Variants in PRR11 observed in about 807,000 individuals in gnomAD.
PRR11 encodes proline-rich protein 11.
Under a neutral mutation model 45.6 loss-of-function variants are expected in PRR11, and 30 were observed. That is an observed-to-expected ratio of 0.66 (90% confidence interval 0.49 to 0.89). The LOEUF (loss-of-function observed/expected upper bound fraction) is 0.89. Among genes scored for constraint, PRR11 ranks in the 40% least tolerant of loss-of-function variants. The pLI, the probability that PRR11 is intolerant of heterozygous loss-of-function variation, is 0.00. For synonymous variants in PRR11, 128 were observed against 153.5 expected, an observed-to-expected ratio of 0.83 and a Z score of 1.23; for missense variants, 373 against 424.8, an observed-to-expected ratio of 0.88 and a Z score of 1.07.
Position 59,188,801 on chromosome 17 carries a change from A to G in PRR11, c.402+3239A>G, listed in dbSNP as rs1341789048. Reference sequence around the variant, plus strand: ...TAAAAATACAAAAAATTAGCCTGGCATGGTGACATGCTTCTGTAATCCCAG... The same window carrying G: ...TAAAAATACAAAAAATTAGCCTGGCGTGGTGACATGCTTCTGTAATCCCAG... On this transcript the variant is annotated intron_variant, in intron 4 of 9. Transcript: ENST00000262293. Among the ~76,000 whole-genome samples the G allele has an allele frequency of 3.3e-5, 5 of 152,018 alleles. No homozygotes were observed. The East Asian group carries it at 7.8e-4, about 24-fold the overall frequency.
At chr17:59,184,645 C>A (rs1011650980) in intron 2 of PRR11, among the ~76,000 whole-genome samples, 1 of 152,052 alleles carries the variant, frequency 6.6e-6, no homozygotes, top group African/African-American at 2.4e-5. Flanking sequence ...CCATTCATGA[C>A]GCTTTAAACC....
At chr17:59,177,679 A>G (rs1230866920) in intron 2 of PRR11, among the ~76,000 whole-genome samples, 1 of 152,168 alleles carries the variant, frequency 6.6e-6, no homozygotes, top group Non-Finnish European at 1.5e-5. Context: ...TCACTCAGCA[A>G]GAGACCAGCA....
At chr17:59,167,996 C>G (rs2046687935) in intron 1 of PRR11, among the ~76,000 whole-genome samples, 1 of 151,972 alleles carries the variant, frequency 6.6e-6, no homozygotes, top group Admixed American at 6.6e-5. Flanking sequence ...TTACCCAGCT[C>G]CTATTCAAGA....
chr17:59,177,341 G>T, intron 2 of PRR11: 1 of 538,692 alleles, frequency 1.9e-6, no homozygotes. Context: ...GGTCTAGGGA[G>T]GGTTTGCCCA....
chr17:59,163,327 C>T (rs1442564024), intron 1 of PRR11, among the ~76,000 whole-genome samples: 1 of 152,122 alleles, frequency 6.6e-6, no homozygotes, highest in Non-Finnish European at 1.5e-5. Context: ...AGGTGATCCT[C>T]CTGCCTCCCG....
At chr17:59,174,758 G>A (rs539082234) in intron 2 of PRR11, among the ~76,000 whole-genome samples, 1 of 152,244 alleles carries the variant, frequency 6.6e-6, no homozygotes, top group South Asian at 2.1e-4. Context: ...ATGACCTCAG[G>A]CCTCACAGTC....
intron 1 of PRR11, among the ~76,000 whole-genome samples, chr17:59,167,477 G>A (rs917471568): frequency 6.6e-6 from 1 of 152,148 alleles, no homozygotes; most frequent in South Asian, 2.1e-4. Context: ...CTTGTACCTT[G>A]TGCAAGCAAA....
intron 5 of PRR11, 50 bp downstream of exon 5, chr17:59,193,784 G>A: frequency 6.3e-7 from 1 of 1,580,762 alleles, no homozygotes; most frequent in Non-Finnish European, 8.7e-7. Flanking sequence ...TGGTGAGTGT[G>A]TAATATAGGA....
At chr17:59,161,350 T>A (rs2046651453) in intron 1 of PRR11, among the ~76,000 whole-genome samples, 1 of 141,218 alleles carries the variant, frequency 7.1e-6, no homozygotes, top group Non-Finnish European at 1.5e-5. Context: ...GAGGTTGCAG[T>A]GAACCGAGAT....
rs764638554 is a variant in PRR11, at chr17:59,197,530, CTT to C, written c.858-12_858-11del. ...CCTCCCAAAGTTCTAATTTTTATAT[CTT>C]TGTTTTATCAGCACTCCTGGAAAAA... is the stretch of plus-strand genomic sequence containing the variant. On this transcript the variant is annotated splice_polypyrimidine_tract_variant and intron_variant, in intron 7 of 9. Transcript: ENST00000262293. 4 of 1,612,114 alleles carry C rather than the reference CTT, an allele frequency of 2.5e-6. No homozygotes were observed. The African/African-American group carries it at 5.3e-5, about 22-fold the overall frequency.
At chr17:59,176,152 A>C (rs1463564746) in intron 2 of PRR11, among the ~76,000 whole-genome samples, 2 of 152,178 alleles carry the variant, frequency 1.3e-5, no homozygotes, top group African/African-American at 4.8e-5. Flanking sequence ...TGTGTGCGGG[A>C]CACCCAGACA....
intron 7 of PRR11, 22 bp from the exon 8 acceptor site, chr17:59,197,522 T>A (rs369253048): frequency 1.2e-4 from 187 of 1,608,902 alleles, no homozygotes; most frequent in Non-Finnish European, 1.5e-4. Flanking sequence ...AAGTTCTAAT[T>A]TTTATATCTT....
At chr17:59,185,629 T>C in intron 4 of PRR11, 67 bp downstream of exon 4, 1 of 1,347,662 alleles carries the variant, frequency 7.4e-7, no homozygotes, top group South Asian at 1.3e-5. Flanking sequence ...GAAAAGACTA[T>C]TGCAATAGGG....
rs1184470950 is a variant in PRR11 at position 59,203,726 on chromosome 17, C to G, written c.*2095C>G. ...ATACAAAATTAGCCAGGTGTGGTGT[C>G]ACGCACCTGTAGTCCCAGTTACTTG... On this transcript the variant is annotated 3_prime_UTR_variant, in exon 10 of 10. Transcript: ENST00000262293. The G allele has an allele frequency of 1.3e-5, 2 of 150,996 alleles. No individual in the cohort carries two copies. The highest frequency in any genetic ancestry group is 2.9e-5 in the Non-Finnish European group (2 of 67,860). The allele number at this position is 150,996 out of a possible 1,614,324, so 9.4% of individuals were successfully genotyped here. A position where few individuals can be genotyped will look rare whatever the true frequency, so the allele number is the denominator to read the frequency against.
chr17:59,181,074 A>C (rs1269364307), intron 2 of PRR11, among the ~76,000 whole-genome samples: 1 of 150,262 alleles, frequency 6.7e-6, no homozygotes, highest in African/African-American at 2.5e-5. Flanking sequence ...ACTGCAAGCA[A>C]CACCTCCGGG....
intron 9 of PRR11, among the ~76,000 whole-genome samples, chr17:59,198,347 G>A (rs768121464): frequency 4.0e-5 from 6 of 151,714 alleles, no homozygotes; most frequent in Admixed American, 1.3e-4. Context: ...TGAGACCAGC[G>A]TGGCCAACAT....
chr17:59,179,520 C>G (rs1599699375), intron 2 of PRR11: 6 of 1,308,874 alleles, frequency 4.6e-6, no homozygotes, highest in Non-Finnish European at 6.2e-6. Context: ...GTGATCACTT[C>G]TGAGTCCTCC....
In PRR11 at chr17:59,197,731, T is replaced by G. The variant is rs376244843; in HGVS notation, c.956T>G (p.Met319Arg). ...ACCCCTCTTACCAATAAGGAAAATA[T>G]GGAAACAGGAACAGGACTGACTCCA... ...GGTPLTNKEN[M>R]ETGTGLTPVM... Residue 319 changes from methionine (M) to arginine (R), a missense_variant, in exon 9 of 10, where the codon ATG becomes AGG. Met to Arg is a moderately conservative substitution (Grantham distance 91, BLOSUM62 -1). Coordinates refer to ENST00000262293, the MANE Select transcript of PRR11 (RefSeq NM_018304.4). The G allele has an allele frequency of 2.5e-5, 41 of 1,614,034 alleles. No individual in the cohort carries two copies. The African/African-American group carries it at 4.7e-4, about 18-fold the overall frequency.
chr17:59,198,492 G>T (rs2046877239), intron 9 of PRR11, among the ~76,000 whole-genome samples: 1 of 152,144 alleles, frequency 6.6e-6, no homozygotes, highest in Admixed American at 6.6e-5. Context: ...TGACCAACAT[G>T]GTGAAACCCC....
Sources: gnomAD v4.1 joint callset for allele counts (sites outside exome capture counted in the v4.1 genomes callset) on GRCh38, gnomAD v4.1.1 for gene constraint, MANE v1.5 for transcripts, NCBI Gene and HGNC (gene_info 2026-07-23, HGNC 2026-07-21) for gene names.